The following C2orf76 variants were observed in gnomAD, a reference collection of about 807,000 sequenced individuals.
C2orf76 encodes the protein UPF0538 protein C2orf76.
In C2orf76, 23 loss-of-function variants were observed where a neutral mutation model predicts 16.9. The ratio of observed to expected loss-of-function variants is 1.36; its 90% CI spans 0.98 to 1.93. C2orf76 has a LOEUF of 1.93. Ranked by LOEUF, C2orf76 falls within the 30% of genes most tolerant of loss-of-function variation. The pLI is 0.00. For missense variants in C2orf76, 152 were observed against 152.6 expected (o/e 1.00, Z 0.02); for synonymous variants, 48 against 52.3 (o/e 0.92, Z 0.35).
intron 2 of C2orf76, among the ~76,000 whole-genome samples, chr2:119,336,202 C>T (rs1456120896): frequency 1.3e-5 from 2 of 151,816 alleles, no homozygotes; most frequent in South Asian, 2.1e-4. Context: ...TGAGACCAGC[C>T]TACCAACATG....
chr2:119,320,206 T>G (rs764634324), intron 3 of C2orf76, among the ~76,000 whole-genome samples: 1 of 152,028 alleles, frequency 6.6e-6, no homozygotes, highest in Non-Finnish European at 1.5e-5. Flanking sequence ...GATACACACA[T>G]ACACACACAC....
chr2:119,349,824 C>T (rs1469348568), intron 1 of C2orf76, among the ~76,000 whole-genome samples: 4 of 152,174 alleles, frequency 2.6e-5, no homozygotes, highest in Non-Finnish European at 5.9e-5. Context: ...TTTTAGAGGT[C>T]TGGCCCACAA....
intron 1 of C2orf76, among the ~76,000 whole-genome samples, chr2:119,347,058 C>T (rs1042039358): frequency 5.3e-5 from 8 of 152,098 alleles, no homozygotes; most frequent in African/African-American, 1.4e-4. Flanking sequence ...GATCATAAAG[C>T]GGTGTTAAAA....
In C2orf76 at chr2:119,359,859, A is replaced by G. The variant is rs1333407958; in HGVS notation, c.-13+6931T>C. Among the ~76,000 whole-genome samples, 5 of 152,226 alleles carry G rather than the reference A, an allele frequency of 3.3e-5. No individual in the cohort carries two copies. In the East Asian group the frequency reaches 9.6e-4, roughly 29 times the overall value. ...TGAAACGACAAAAAAAGCGTTTAGAATATTGCATAAACTTGTAAAGCAGCA... is the reference window on the plus strand; with the variant it reads ...TGAAACGACAAAAAAAGCGTTTAGAGTATTGCATAAACTTGTAAAGCAGCA... On this transcript the variant is annotated intron_variant, in intron 1 of 5. Transcript: ENST00000334816.
In C2orf76 at chr2:119,311,832, G is replaced by C. The variant is rs562175568; in HGVS notation, c.223-129C>G. On this transcript the variant is annotated intron_variant, in intron 4 of 5. Transcript: ENST00000334816. ...CTAAGTAGATTCCACTGCCCTGGCC[G>C]TAATGAGGGCAGTGAACAGAGGCAC... is the stretch of plus-strand genomic sequence containing the variant. 379 of 836,762 alleles carry C rather than the reference G, an allele frequency of 4.5e-4. 5 individuals are homozygous for C. The highest frequency in any genetic ancestry group is 1.7e-3 in the South Asian group (94 of 55,662). The allele number at this position is 836,762 out of a possible 1,614,324, so 51.8% of individuals were successfully genotyped here.
chr2:119,334,257 G>A (rs755286852), intron 2 of C2orf76, among the ~76,000 whole-genome samples: 35 of 151,896 alleles, frequency 2.3e-4, no homozygotes, highest in Non-Finnish European at 4.0e-4. Flanking sequence ...GAAGCACAGC[G>A]GATATTTTAG....
At chr2:119,319,359 C>G (rs1274695325) in intron 3 of C2orf76, among the ~76,000 whole-genome samples, 1 of 152,154 alleles carries the variant, frequency 6.6e-6, no homozygotes, top group Non-Finnish European at 1.5e-5. Context: ...GACAAACCAG[C>G]AGAGAGATGT....
At chr2:119,284,312 A>G in the C2orf76 span, among the ~76,000 whole-genome samples, 1 of 152,086 alleles carries the variant, frequency 6.6e-6, no homozygotes, top group Non-Finnish European at 1.5e-5. Context: ...CCCAATATTC[A>G]ATGCTGACAC....
At chr2:119,324,298 A>AG (rs1393050684) in intron 2 of C2orf76, among the ~76,000 whole-genome samples, 1 of 152,182 alleles carries the variant, frequency 6.6e-6, no homozygotes. Context: ...CTGCCTTTAC[A>AG]TCTTAACTGA....
In C2orf76 at chr2:119,366,800, C is replaced by T; in HGVS notation, c.-23G>A. On this transcript the variant is annotated 5_prime_UTR_variant, in exon 1 of 6. Transcript: ENST00000334816. ...TTCCGTTGTCCCCACCTGTTCCCGGCGTCCCCTTCGGCTACTCCCGGCGTT... is the reference window on the plus strand; with the variant it reads ...TTCCGTTGTCCCCACCTGTTCCCGGTGTCCCCTTCGGCTACTCCCGGCGTT... 1 of 576,520 alleles carries T rather than the reference C, an allele frequency of 1.7e-6. No individual in the cohort carries two copies. The highest frequency in any genetic ancestry group is 3.1e-6 in the Non-Finnish European group (1 of 326,152). 35.7% of individuals were successfully genotyped at this position (576,520 alleles called of 1,614,324 possible).
chr2:119,308,504 G>T (rs762965690), intron 5 of C2orf76, among the ~76,000 whole-genome samples: 13 of 152,158 alleles, frequency 8.5e-5, no homozygotes, highest in Non-Finnish European at 1.3e-4. Flanking sequence ...AGCTGGGCAT[G>T]GTGGTGCACA....
intron 2 of C2orf76, among the ~76,000 whole-genome samples, chr2:119,329,412 A>G (rs1311422254): frequency 6.6e-6 from 1 of 151,866 alleles, no homozygotes; most frequent in Non-Finnish European, 1.5e-5. Context: ...TCTTTAAAGT[A>G]CATTTCTTGT....
intron 1 of C2orf76, among the ~76,000 whole-genome samples, chr2:119,344,427 A>G (rs1052973774): frequency 6.6e-6 from 1 of 152,240 alleles, no homozygotes; most frequent in Admixed American, 6.5e-5. Flanking sequence ...TTCAGGATAA[A>G]TTAATTAAAA....
At chr2:119,348,512 C>T (rs1190760435) in intron 1 of C2orf76, among the ~76,000 whole-genome samples, 1 of 152,100 alleles carries the variant, frequency 6.6e-6, no homozygotes, top group Non-Finnish European at 1.5e-5. Context: ...CATGGTGAAA[C>T]CCTGTCTCTA....
intron 4 of C2orf76, among the ~76,000 whole-genome samples, chr2:119,315,469 C>T (rs941490261): frequency 4.6e-5 from 7 of 152,022 alleles, no homozygotes; most frequent in Non-Finnish European, 7.4e-5. Flanking sequence ...CCACAGGCCC[C>T]GCAGATGGGG....
the C2orf76 span, among the ~76,000 whole-genome samples, chr2:119,294,877 G>A: frequency 4.9e-4 from 74 of 152,232 alleles, no homozygotes; most frequent in African/African-American, 1.7e-3. Context: ...AGAGGGGTCC[G>A]GGCAGCAAGG....
chr2:119,320,508 A>C (rs1448818478), intron 3 of C2orf76, among the ~76,000 whole-genome samples: 2 of 152,178 alleles, frequency 1.3e-5, no homozygotes, highest in Admixed American at 1.3e-4. Context: ...AAATGCATAC[A>C]CACGGCGAAG....
the C2orf76 span, among the ~76,000 whole-genome samples, chr2:119,292,314 A>G: frequency 6.6e-6 from 1 of 152,244 alleles, no homozygotes; most frequent in East Asian, 1.9e-4. Context: ...AATCTAGGAC[A>G]CTTATCTTGC....
the C2orf76 span, among the ~76,000 whole-genome samples, chr2:119,293,334 T>C: frequency 6.6e-6 from 1 of 152,060 alleles, no homozygotes; most frequent in Non-Finnish European, 1.5e-5. Context: ...ATGCAAAAAA[T>C]GTAGAAAAGT....
Sources: allele counts gnomAD v4.1 joint callset (sites outside exome capture counted in the v4.1 genomes callset), GRCh38; gene constraint gnomAD v4.1.1; transcripts MANE v1.5; gene names NCBI Gene and HGNC (gene_info 2026-07-23, HGNC 2026-07-21).